Variants in SDK1 observed in about 807,000 individuals in gnomAD.
SDK1 encodes the protein protein sidekick-1.
Under a neutral mutation model 245.5 loss-of-function variants are expected in SDK1, and 157 were observed. The observed-to-expected ratio is 0.64, with a 90% CI of 0.56 to 0.73. The LOEUF is 0.73. SDK1 is among the 30% of genes least tolerant of loss of function. The probability of loss-of-function intolerance (pLI) is 0.00; values close to 1 mark genes in which losing one functional copy is unlikely to be tolerated. For synonymous variants in SDK1, 1,647 were observed against 1,278.5 expected, an observed-to-expected ratio of 1.29 and a Z score of -6.15; for missense variants, 3,583 against 3,002.3, an observed-to-expected ratio of 1.19 and a Z score of -4.52.
chr7:3,852,205 T>G (rs180871014), intron 5 of SDK1, among the ~76,000 whole-genome samples: 1 of 152,126 alleles, frequency 6.6e-6, no homozygotes, highest in East Asian at 1.9e-4. Flanking sequence ...TTGAGATTCT[T>G]TAAATCATTT....
At chr7:3,798,920 C>T (rs1236402699) in intron 4 of SDK1, among the ~76,000 whole-genome samples, 1 of 152,210 alleles carries the variant, frequency 6.6e-6, no homozygotes, top group Admixed American at 6.5e-5. Context: ...TTAGCGTTCA[C>T]CAGTGGATCT....
At chr7:3,746,099 T>C (rs1037617663) in intron 4 of SDK1, among the ~76,000 whole-genome samples, 1 of 152,168 alleles carries the variant, frequency 6.6e-6, no homozygotes, top group Non-Finnish European at 1.5e-5. Flanking sequence ...ATATTGTGGG[T>C]TTGCTCCAGA....
In SDK1 at chr7:4,080,422, C is replaced by G. The variant is rs1185965621; in HGVS notation, c.3324+838C>G. On this transcript the variant is annotated intron_variant, in intron 22 of 44. Coordinates refer to ENST00000404826, the MANE Select transcript of SDK1 (RefSeq NM_152744.4). ...CAAATTATGAGGAGTAGTAAAGTTT[C>G]AAAATAGTTATTATCTGTAGTAAAA... Among the ~76,000 whole-genome samples the G allele has an allele frequency of 2.0e-5, 3 of 152,258 alleles. No homozygotes were observed. In the East Asian group the frequency reaches 5.8e-4, roughly 29 times the overall value.
intron 1 of SDK1, among the ~76,000 whole-genome samples, chr7:3,315,974 A>T (rs1189689760): frequency 6.6e-6 from 1 of 152,154 alleles, no homozygotes; most frequent in Non-Finnish European, 1.5e-5. Context: ...TGATAAACAC[A>T]TTTGTACCAT....
In SDK1 at chr7:3,629,859, C is replaced by A. The variant is rs568996811; in HGVS notation, c.459-9145C>A. On this transcript the variant is annotated intron_variant, in intron 2 of 44. Transcript: ENST00000404826. The stretch of plus-strand genomic sequence containing the variant: ...TCAGTTGATTGAAACCAAGCCAGAA[C>A]TGACACAGTTATTAGAGTTAACAGA... Among the ~76,000 whole-genome samples, 216 of 152,270 alleles carry A rather than the reference C, an allele frequency of 1.4e-3. 1 individual carries two copies. The highest frequency in any genetic ancestry group is 5.1e-3 in the African/African-American group (213 of 41,540).
At chr7:3,402,850 C>T (rs899880432) in intron 1 of SDK1, among the ~76,000 whole-genome samples, 1 of 152,146 alleles carries the variant, frequency 6.6e-6, no homozygotes, top group Non-Finnish European at 1.5e-5. Flanking sequence ...TTATTTTGCA[C>T]TTATATAAAT....
intron 2 of SDK1, among the ~76,000 whole-genome samples, chr7:3,638,302 A>T (rs940596374): frequency 6.6e-6 from 1 of 152,308 alleles, no homozygotes; most frequent in Non-Finnish European, 1.5e-5. Context: ...CCAAAGGATT[A>T]TAAATCATGC....
At chr7:3,339,427 CAA>C (rs1160960691) in intron 1 of SDK1, among the ~76,000 whole-genome samples, 1 of 152,144 alleles carries the variant, frequency 6.6e-6, no homozygotes, top group East Asian at 1.9e-4. Context: ...AGGACTTACA[CAA>C]TTGACCAACA....
intron 22 of SDK1, among the ~76,000 whole-genome samples, chr7:4,103,150 G>A (rs1375877484): frequency 1.3e-5 from 2 of 151,698 alleles, no homozygotes; most frequent in African/African-American, 4.8e-5. Context: ...ACAGGCGCCC[G>A]CCACCACGTC....
chr7:4,232,543 A>C (rs983263026), intron 40 of SDK1, among the ~76,000 whole-genome samples: 5 of 151,218 alleles, frequency 3.3e-5, no homozygotes, highest in Non-Finnish European at 5.9e-5. Flanking sequence ...GCTCACTGCA[A>C]CCTCAACCTC....
chr7:4,025,031 C>T (rs1787226917), intron 17 of SDK1, among the ~76,000 whole-genome samples: 1 of 151,648 alleles, frequency 6.6e-6, no homozygotes, highest in South Asian at 2.1e-4. Context: ...CACACACACA[C>T]ACACACACAC....
intron 34 of SDK1, among the ~76,000 whole-genome samples, chr7:4,177,857 G>A (rs540638353): frequency 3.9e-5 from 6 of 152,180 alleles, no homozygotes; most frequent in South Asian, 2.1e-4. Flanking sequence ...GCAACTAGAC[G>A]GTCCCATCTT....
At chr7:3,439,624 G>C (rs1780135199) in intron 1 of SDK1, among the ~76,000 whole-genome samples, 1 of 152,068 alleles carries the variant, frequency 6.6e-6, no homozygotes, top group Admixed American at 6.6e-5. Flanking sequence ...CTTTCTAATG[G>C]GATTTAAAAA....
At chr7:3,934,223 A>G (rs981226579) in intron 5 of SDK1, among the ~76,000 whole-genome samples, 2 of 152,234 alleles carry the variant, frequency 1.3e-5, no homozygotes, top group Admixed American at 6.5e-5. Context: ...TGTGAATTTC[A>G]AGATACACTT....
At chr7:3,611,637 T>A (rs1328375602) in intron 1 of SDK1, among the ~76,000 whole-genome samples, 1 of 152,160 alleles carries the variant, frequency 6.6e-6, no homozygotes, top group Admixed American at 6.5e-5. Flanking sequence ...TTTTCCATAG[T>A]GGTCGTGCTA....
intron 5 of SDK1, among the ~76,000 whole-genome samples, chr7:3,864,867 G>A (rs1029579694): frequency 2.0e-5 from 3 of 152,186 alleles, no homozygotes; most frequent in South Asian, 2.1e-4. Context: ...CAGTAGTGAC[G>A]ATAGTGCATT....
intron 1 of SDK1, among the ~76,000 whole-genome samples, chr7:3,493,189 A>T (rs1476588710): frequency 6.6e-6 from 1 of 151,992 alleles, no homozygotes; most frequent in African/African-American, 2.4e-5. Context: ...CTGACCTCAT[A>T]ATCCTCACAC....
intron 14 of SDK1, among the ~76,000 whole-genome samples, chr7:3,999,145 C>G (rs1054555060): frequency 1.3e-5 from 2 of 152,176 alleles, no homozygotes; most frequent in African/African-American, 4.8e-5. Flanking sequence ...CACACACGCA[C>G]ACACACATGT....
intron 1 of SDK1, among the ~76,000 whole-genome samples, chr7:3,469,846 G>T (rs1439809578): frequency 1.3e-5 from 2 of 152,146 alleles, no homozygotes; most frequent in African/African-American, 4.8e-5. Flanking sequence ...TGCTTCCTAA[G>T]ATTTCAGATC....
Sources: allele counts gnomAD v4.1 joint callset (sites outside exome capture counted in the v4.1 genomes callset), GRCh38; gene constraint gnomAD v4.1.1; transcripts MANE v1.5; gene names NCBI Gene and HGNC (gene_info 2026-07-23, HGNC 2026-07-21).